The following ADGRG1 variants were observed in gnomAD, a reference collection of about 807,000 sequenced individuals.
The protein encoded by ADGRG1 is adhesion G protein-coupled receptor G1, also known as 7-transmembrane protein with no EGF-like N-terminal domains-1.
In ADGRG1, 53 loss-of-function variants were observed where a neutral mutation model predicts 73.5. That is an observed-to-expected ratio of 0.72 (90% CI 0.58 to 0.91). The LOEUF is 0.91. Ranked by LOEUF, ADGRG1 falls within the 40% of genes least tolerant of loss-of-function variation. The pLI, the probability that ADGRG1 is intolerant of heterozygous loss-of-function variation, is 0.00. For missense variants in ADGRG1, 795 were observed against 871.8 expected, an observed-to-expected ratio of 0.91 and a Z score of 1.11; for synonymous variants, 394 against 374.4, an observed-to-expected ratio of 1.05 and a Z score of -0.60.
At chr16:57,650,087 C>G in intron 1 of ADGRG1, 166 bp from the exon 2 acceptor site, 1 of 975,746 alleles carries the variant, frequency 1.0e-6, no homozygotes, top group Non-Finnish European at 1.2e-6. Flanking sequence ...CTCACTGCCT[C>G]TTGGGGAGCG....
intron 1 of ADGRG1, chr16:57,648,481 C>G: frequency 1.0e-6 from 1 of 975,008 alleles, no homozygotes; most frequent in Non-Finnish European, 1.2e-6. Context: ...AATTGGGGTT[C>G]CATTCCACAT....
chr16:57,653,364 G>A lies in ADGRG1; in HGVS notation c.620+29G>A, dbSNP rs758887129. The A allele has an allele frequency of 8.1e-6, 13 of 1,603,254 alleles. No homozygotes were observed. The South Asian group carries it at 1.3e-4, about 16-fold the overall frequency. On this transcript the variant is annotated intron_variant, in intron 4 of 13. Coordinates refer to ENST00000562631, the MANE Select transcript of ADGRG1 (RefSeq NM_201525.4). ...AGTTTGGCACCTGGGGCTGTGAGGG[G>A]AGGCAGGAAGGCATCAGAGATCTGG...
intron 11 of ADGRG1, chr16:57,660,370 C>T: frequency 1.0e-6 from 1 of 984,972 alleles, no homozygotes; most frequent in Non-Finnish European, 1.2e-6. Flanking sequence ...CTCTAGGGAG[C>T]TTCTAATCTC....
chr16:57,628,786 C>T lies in ADGRG1; in HGVS notation c.-52C>T, dbSNP rs1296661339. ...CCAGCCGCCTGGCCCTGCGTGGGAC[C>T]CTCCACCTGGCAGCAGGTACCCAAA... On this transcript the variant is annotated 5_prime_UTR_variant, in exon 1 of 14. Coordinates refer to ENST00000562631, the MANE Select transcript of ADGRG1 (RefSeq NM_201525.4). 1 of 985,508 alleles carries T rather than the reference C, an allele frequency of 1.0e-6. No individual in the cohort carries two copies. The highest frequency in any genetic ancestry group is 1.2e-6 in the Non-Finnish European group (1 of 830,034). The allele number at this position is 985,508 out of a possible 1,614,324, so 61.0% of individuals were successfully genotyped here. A position where few individuals can be genotyped will look rare whatever the true frequency, so the allele number is the denominator to read the frequency against.
At chr16:57,643,187 C>G (rs2404691) in intron 1 of ADGRG1, 2 of 152,096 alleles carry the variant, frequency 1.3e-5, no homozygotes, top group East Asian at 3.9e-4. Flanking sequence ...CTCTCACAGA[C>G]GTGTCACAAG....
In ADGRG1 at chr16:57,635,607, C is replaced by T. The variant is rs1006168238; in HGVS notation, c.-36+6805C>T. 9.1e-6 allele frequency: 9 copies of T among 985,214 alleles called. No individual in the cohort carries two copies. The African/African-American group carries it at 1.0e-4, about 11-fold the overall frequency. The allele number at this position is 985,214 out of a possible 1,614,324, so 61.0% of individuals were successfully genotyped here. Reference sequence around the variant, plus strand: ...GAAGGACGGTAGTGTTTGCAAACCACGTGAGCACAGGAGTGAGCAAGGTCC... The same window carrying T: ...GAAGGACGGTAGTGTTTGCAAACCATGTGAGCACAGGAGTGAGCAAGGTCC... On this transcript the variant is annotated intron_variant, in intron 1 of 13. Coordinates refer to ENST00000562631, the MANE Select transcript of ADGRG1 (RefSeq NM_201525.4).
At chr16:57,623,474 C>T (rs1353650533), upstream of ADGRG1, among the ~76,000 whole-genome samples, 2 of 152,350 alleles carry the variant, frequency 1.3e-5, no homozygotes, top group African/African-American at 4.8e-5. Context: ...TGGTCATGCT[C>T]GCCCCTCCTG....
chr16:57,634,252 G>T, intron 1 of ADGRG1: 1 of 985,334 alleles, frequency 1.0e-6, no homozygotes, highest in Non-Finnish European at 1.2e-6. Flanking sequence ...CCTGGGTCTC[G>T]GACCCTGTGG....
chr16:57,642,773 T>C, intron 1 of ADGRG1: 1 of 340,608 alleles, frequency 2.9e-6, no homozygotes, highest in Non-Finnish European at 4.2e-6. Flanking sequence ...GGCTTGGAGG[T>C]TAGGCGGACC....
intron 1 of ADGRG1, chr16:57,644,993 C>G (rs1182068592): frequency 1.2e-6 from 1 of 853,730 alleles, no homozygotes; most frequent in Admixed American, 6.2e-5. Context: ...CATGCACACA[C>G]ACATGCACAC....
At chr16:57,635,041 G>A in intron 1 of ADGRG1, 5 of 985,346 alleles carry the variant, frequency 5.1e-6, no homozygotes, top group Non-Finnish European at 6.0e-6. Context: ...GGGGGAGAGG[G>A]ACCCAGCTGA....
intron 1 of ADGRG1, chr16:57,644,959 C>T (rs1280415690): frequency 3.8e-6 from 2 of 522,166 alleles, no homozygotes. Context: ...ACTGATCACA[C>T]ACTCATGCAT....
rs74022013 is a variant in ADGRG1, at chr16:57,641,391, C to T, written c.-35-8862C>T. Reference sequence around the variant, plus strand: ...GTGGAGACTTGGCCATGAACCTCTACGTGGCTGCAGACCACCCCAGGAGCA... The same window carrying T: ...GTGGAGACTTGGCCATGAACCTCTATGTGGCTGCAGACCACCCCAGGAGCA... On this transcript the variant is annotated intron_variant, in intron 1 of 13. Transcript: ENST00000562631. 5.4e-4 allele frequency: 527 copies of T among 980,338 alleles called. 4 individuals are homozygous for T. The African/African-American group carries it at 8.4e-3, about 16-fold the overall frequency. The allele number at this position is 980,338 out of a possible 1,614,324, so 60.7% of individuals were successfully genotyped here.
upstream of ADGRG1, chr16:57,626,570 A>G (rs1253635531): frequency 4.1e-6 from 4 of 984,666 alleles, no homozygotes; most frequent in Non-Finnish European, 4.8e-6. Flanking sequence ...TGGGCAGCCA[A>G]CTCCGCCCAG....
chr16:57,663,164 G>C, intron 13 of ADGRG1: 1 of 861,660 alleles, frequency 1.2e-6, no homozygotes, highest in Non-Finnish European at 1.4e-6. Context: ...GCTCAGCCAC[G>C]TCCCTTTACC....
intron 1 of ADGRG1, chr16:57,647,409 G>T (rs1215558714): frequency 1.0e-6 from 1 of 985,160 alleles, no homozygotes. Context: ...GGCCCAGGGG[G>T]CTGAGTTAGG....
chr16:57,645,491 A>G, intron 1 of ADGRG1: 1 of 249,972 alleles, frequency 4.0e-6, no homozygotes, highest in Non-Finnish European at 6.3e-6. Flanking sequence ...GTCACAGGGC[A>G]GGGAAGAGAG....
Position 57,661,846 on chromosome 16 carries a change from C to T in ADGRG1, c.1814C>T (p.Thr605Ile), listed in dbSNP as rs1182825880. Residue 605 changes from threonine (T) to isoleucine (I), a missense_variant, in exon 13 of 14, where the codon ACA becomes ATA. Coordinates refer to ENST00000562631, the MANE Select transcript of ADGRG1 (RefSeq NM_201525.4). ...PHTQKWSHVL[T>I]LLGLSLVLGL... Reference sequence around the variant, plus strand: ...ACCCAAAAGTGGTCACATGTGCTGACACTGCTGGGCCTCAGCCTGGTCCTT... The same window carrying T: ...ACCCAAAAGTGGTCACATGTGCTGATACTGCTGGGCCTCAGCCTGGTCCTT... 4 of 1,614,122 alleles carry T rather than the reference C, an allele frequency of 2.5e-6. No homozygotes were observed. The highest frequency in any genetic ancestry group is 2.2e-5 in the South Asian group (2 of 91,094).
At chr16:57,663,092 C>CA in intron 13 of ADGRG1, 1 of 984,004 alleles carries the variant, frequency 1.0e-6, no homozygotes, top group Non-Finnish European at 1.2e-6. Context: ...TTGAGGGGTG[C>CA]AAAATCTCAC....
Sources: allele counts gnomAD v4.1 joint callset (sites outside exome capture counted in the v4.1 genomes callset), GRCh38; gene constraint gnomAD v4.1.1; transcripts MANE v1.5; gene names NCBI Gene and HGNC (gene_info 2026-07-23, HGNC 2026-07-21).